ABI2: variants seen among roughly 807,000 people sequenced by gnomAD.
The protein encoded by ABI2 is abelson interactor 2.
In ABI2, 25 loss-of-function variants were observed where a neutral mutation model predicts 59.2. The ratio of observed to expected loss-of-function variants is 0.42; its 90% confidence interval spans 0.31 to 0.59. The LOEUF (loss-of-function observed/expected upper bound fraction) is 0.59, where lower values mean the gene tolerates loss of function less well. Among genes scored for constraint, ABI2 ranks in the 20% least tolerant of loss-of-function variants. The pLI is 0.14. For synonymous variants in ABI2, 213 were observed against 235.5 expected (o/e 0.90, Z 0.87); for missense variants, 545 against 681.8 (o/e 0.80, Z 2.23).
At chr2:203,351,101 A>C (rs751102172) in intron 1 of ABI2, among the ~76,000 whole-genome samples, 4 of 152,170 alleles carry the variant, frequency 2.6e-5, no homozygotes, top group Non-Finnish European at 5.9e-5. Context: ...CCATTTGTTT[A>C]AAAGCCTTTT....
chr2:203,329,990 G>T (rs1299120263), intron 1 of ABI2, among the ~76,000 whole-genome samples: 2 of 152,008 alleles, frequency 1.3e-5, no homozygotes, highest in African/African-American at 4.8e-5. Context: ...ACCCACCTCG[G>T]CCTCCCAAAG....
chr2:203,361,295 T>C (rs1311234076), intron 1 of ABI2, among the ~76,000 whole-genome samples: 1 of 152,060 alleles, frequency 6.6e-6, no homozygotes, highest in African/African-American at 2.4e-5. Context: ...AATCACCATA[T>C]GAAAGTGAAA....
intron 4 of ABI2, chr2:203,386,564 G>T (rs1298688422): frequency 2.3e-6 from 1 of 438,036 alleles, no homozygotes; most frequent in African/African-American, 2.2e-5. Flanking sequence ...ACCAGCTCAG[G>T]TTTTTCTCTA....
In ABI2 at chr2:203,329,733, C is replaced by T. The variant is rs558578896; in HGVS notation, c.117+1102C>T. Among the ~76,000 whole-genome samples the T allele has an allele frequency of 3.3e-5, 5 of 150,340 alleles. No homozygotes were observed. In the South Asian group the frequency reaches 1.1e-3, roughly 32 times the overall value. ...CTCCCACCTCCATCTCTCCAGGGATCCTTCTTTTTTCTTTTCTTTTTGAGA... is the reference window on the plus strand; with the variant it reads ...CTCCCACCTCCATCTCTCCAGGGATTCTTCTTTTTTCTTTTCTTTTTGAGA... On this transcript the variant is annotated intron_variant, in intron 1 of 11. Coordinates refer to ENST00000261018, the MANE Select transcript of ABI2 (RefSeq NM_001375670.1).
chr2:203,375,220 C>T (rs1018944823), intron 2 of ABI2, among the ~76,000 whole-genome samples: 1 of 152,162 alleles, frequency 6.6e-6, no homozygotes, highest in African/African-American at 2.4e-5. Context: ...AAGTCCTATA[C>T]AATTGCAGTG....
chr2:203,347,096 G>A (rs1247906657), intron 1 of ABI2, among the ~76,000 whole-genome samples: 1 of 152,170 alleles, frequency 6.6e-6, no homozygotes, highest in East Asian at 1.9e-4. Flanking sequence ...GCCCTAACAT[G>A]TGCATCAGGT....
intron 7 of ABI2, among the ~76,000 whole-genome samples, chr2:203,396,438 CTG>C (rs770569424): frequency 3.9e-5 from 6 of 152,002 alleles, no homozygotes; most frequent in Admixed American, 6.6e-5. Context: ...AAATGGAAAA[CTG>C]TTGTTTTTTA....
chr2:203,398,514 A>C (rs2097096034), intron 8 of ABI2, among the ~76,000 whole-genome samples: 1 of 152,246 alleles, frequency 6.6e-6, no homozygotes, highest in African/African-American at 2.4e-5. Flanking sequence ...TCTGTTTTAT[A>C]CAGTACCTGA....
intron 2 of ABI2, among the ~76,000 whole-genome samples, chr2:203,372,718 C>T (rs1213500823): frequency 8.8e-5 from 13 of 147,286 alleles, no homozygotes; most frequent in East Asian, 2.1e-4. Flanking sequence ...TCAGACGGGG[C>T]GGCTGCCGGG....
At chr2:203,376,055 A>T (rs1253108970) in intron 2 of ABI2, 1 of 1,531,314 alleles carries the variant, frequency 6.5e-7, no homozygotes, top group East Asian at 2.4e-5. Context: ...ATCTATACTT[A>T]GGCAAATTAG....
chr2:203,411,798 G>T (rs924695476), intron 10 of ABI2, among the ~76,000 whole-genome samples: 1 of 152,168 alleles, frequency 6.6e-6, no homozygotes, highest in Non-Finnish European at 1.5e-5. Context: ...GGACCAGGCT[G>T]CCAGTCTGTC....
chr2:203,366,371 T>G (rs2094448007), intron 1 of ABI2, among the ~76,000 whole-genome samples: 1 of 152,170 alleles, frequency 6.6e-6, no homozygotes, highest in South Asian at 2.1e-4. Context: ...TATTACCATT[T>G]TATTTATCAT....
At chr2:203,378,900 T>C (rs776890593) in intron 2 of ABI2, among the ~76,000 whole-genome samples, 1 of 152,144 alleles carries the variant, frequency 6.6e-6, no homozygotes, top group African/African-American at 2.4e-5. Flanking sequence ...TATATATTTA[T>C]ATATATAATA....
intron 11 of ABI2, among the ~76,000 whole-genome samples, chr2:203,424,401 T>C (rs1351628686): frequency 6.6e-6 from 1 of 152,166 alleles, no homozygotes; most frequent in Non-Finnish European, 1.5e-5. Flanking sequence ...TGAATATTCA[T>C]TTAAAAATTA....
intron 1 of ABI2, chr2:203,351,416 A>G (rs375446293): frequency 3.0e-6 from 1 of 334,698 alleles, no homozygotes; most frequent in South Asian, 2.4e-5. Flanking sequence ...ATCTGTAGAT[A>G]AACTTGGGGA....
chr2:203,414,173 C>G (rs1438651647), intron 10 of ABI2, among the ~76,000 whole-genome samples: 1 of 149,260 alleles, frequency 6.7e-6, no homozygotes, highest in Non-Finnish European at 1.5e-5. Context: ...GCAATCTTGG[C>G]TCTCTGCCAC....
At chr2:203,362,777 T>C (rs1398511331) in intron 1 of ABI2, among the ~76,000 whole-genome samples, 2 of 152,158 alleles carry the variant, frequency 1.3e-5, no homozygotes, top group African/African-American at 4.8e-5. Flanking sequence ...TCCACCTGGC[T>C]TGGCCTCCGA....
At chr2:203,399,740 C>G (rs1051264004) in intron 8 of ABI2, among the ~76,000 whole-genome samples, 2 of 151,996 alleles carry the variant, frequency 1.3e-5, no homozygotes, top group Admixed American at 1.3e-4. Context: ...GTCTTGAACT[C>G]CTGACCTCAG....
At chr2:203,338,939 T>TATATATATATATATATATATAA (rs2077896873) in intron 1 of ABI2, among the ~76,000 whole-genome samples, 8 of 5,040 alleles carry the variant, frequency 1.6e-3, no homozygotes, top group South Asian at 0.014. Context: ...TATATGTATA[T>TATATATATATATATATATATAA]ATATATATAT....
Sources: allele counts gnomAD v4.1 joint callset (sites outside exome capture counted in the v4.1 genomes callset), GRCh38; gene constraint gnomAD v4.1.1; transcripts MANE v1.5; gene names NCBI Gene and HGNC (gene_info 2026-07-23, HGNC 2026-07-21).